The following SLC22A4 variants were observed in gnomAD, a reference collection of about 807,000 sequenced individuals.
SLC22A4 encodes ET transporter.
A neutral mutation model predicts 56.6 loss-of-function variants in SLC22A4; 39 were observed. That is an observed-to-expected ratio of 0.69 (90% confidence interval 0.53 to 0.90). SLC22A4 has a LOEUF of 0.90. Among genes scored for constraint, SLC22A4 ranks in the 40% least tolerant of loss-of-function variants. The pLI is 0.00. For missense variants in SLC22A4, 594 were observed against 696.5 expected (o/e 0.85, Z 1.66); for synonymous variants, 241 against 281.4 (o/e 0.86, Z 1.44).
chr5:132,299,987 G>A (rs1240123576), intron 1 of SLC22A4, among the ~76,000 whole-genome samples: 1 of 152,104 alleles, frequency 6.6e-6, no homozygotes, highest in African/African-American at 2.4e-5. Context: ...TCTATCGTAG[G>A]ATCCCATCCA....
intron 1 of SLC22A4, among the ~76,000 whole-genome samples, chr5:132,308,691 G>A (rs1489181564): frequency 6.6e-6 from 1 of 152,130 alleles, no homozygotes; most frequent in Non-Finnish European, 1.5e-5. Context: ...AATTAGAGCT[G>A]AAGGCCATGC....
intron 1 of SLC22A4, among the ~76,000 whole-genome samples, chr5:132,310,316 T>C (rs760147617): frequency 3.3e-5 from 5 of 152,228 alleles, no homozygotes; most frequent in Admixed American, 6.5e-5. Flanking sequence ...TGGGCCTCAA[T>C]TGCTCATCTC....
At position 132,340,713 on chromosome 5, in the gene SLC22A4, TTTAACAAAATG is replaced by T; in HGVS notation, c.1580+14_1580+24del. 1 of 1,612,912 alleles carries T rather than the reference TTTAACAAAATG, an allele frequency of 6.2e-7. No homozygotes were observed. The highest frequency in any genetic ancestry group is 8.5e-7 in the Non-Finnish European group (1 of 1,178,906). ...AGAAAGTGAAATGGTAAGTAGGACT[TTTAACAAAATG>T]ATACCAAAATGCCTTAGGGAGAATA... On this transcript the variant is annotated intron_variant, in intron 9 of 9. Coordinates refer to ENST00000200652, the MANE Select transcript of SLC22A4 (RefSeq NM_003059.3).
chr5:132,297,777 T>G (rs1394354976), intron 1 of SLC22A4, among the ~76,000 whole-genome samples: 1 of 151,910 alleles, frequency 6.6e-6, no homozygotes, highest in Non-Finnish European at 1.5e-5. Flanking sequence ...AGACCCCATC[T>G]CTACAAAAAA....
intron 3 of SLC22A4, among the ~76,000 whole-genome samples, chr5:132,316,927 C>T (rs947459415): frequency 3.9e-5 from 6 of 152,328 alleles, no homozygotes; most frequent in Admixed American, 3.3e-4. Context: ...TTATTTTCCA[C>T]AGTTGTGGAG....
intron 1 of SLC22A4, among the ~76,000 whole-genome samples, chr5:132,306,009 A>G (rs1254517829): frequency 1.3e-5 from 2 of 152,164 alleles, no homozygotes; most frequent in African/African-American, 2.4e-5. Context: ...TATTAGAGAA[A>G]TGCAATCAAA....
chr5:132,338,168 A>C (rs1751083113), intron 8 of SLC22A4, among the ~76,000 whole-genome samples: 1 of 152,198 alleles, frequency 6.6e-6, no homozygotes, highest in African/African-American at 2.4e-5. Context: ...AGTACAAAAG[A>C]GAGAAATTTT....
At chr5:132,303,862 G>T (rs2126702677) in intron 1 of SLC22A4, among the ~76,000 whole-genome samples, 1 of 152,276 alleles carries the variant, frequency 6.6e-6, no homozygotes, top group South Asian at 2.1e-4. Context: ...TCTACAACAG[G>T]AGCTCAGATA....
At chr5:132,315,938 G>T (rs372574997) in intron 3 of SLC22A4, among the ~76,000 whole-genome samples, 2 of 152,220 alleles carry the variant, frequency 1.3e-5, no homozygotes, top group Non-Finnish European at 2.9e-5. Flanking sequence ...GGACGCCCCA[G>T]TCAGCACCTG....
chr5:132,309,418 C>T (rs3792882), intron 1 of SLC22A4, among the ~76,000 whole-genome samples: 11,105 of 152,272 alleles, frequency 0.073, 541 homozygotes, highest in East Asian at 0.27. Flanking sequence ...ACGGCCACTG[C>T]GTGTGCATGG....
intron 1 of SLC22A4, among the ~76,000 whole-genome samples, chr5:132,301,425 G>A (rs1749904673): frequency 6.6e-6 from 1 of 152,214 alleles, no homozygotes; most frequent in Admixed American, 6.5e-5. Flanking sequence ...CAGCTGGGCT[G>A]CCTCCTCTAG....
At chr5:132,334,654 G>T in intron 6 of SLC22A4, 64 bp from the exon 7 acceptor site, 1 of 1,122,146 alleles carries the variant, frequency 8.9e-7, no homozygotes, top group South Asian at 1.2e-5. Context: ...AGAATTTCTT[G>T]ACCATCATAA....
intron 1 of SLC22A4, among the ~76,000 whole-genome samples, chr5:132,307,943 C>T (rs913545774): frequency 6.6e-6 from 1 of 152,162 alleles, no homozygotes; most frequent in Non-Finnish European, 1.5e-5. Flanking sequence ...AAGTGCAATG[C>T]GTGATACTCC....
Position 132,312,242 on chromosome 5 carries a change from G to A in SLC22A4, c.475G>A (p.Val159Met), listed in dbSNP as rs11568509. 9.5e-5 allele frequency: 154 copies of A among 1,612,888 alleles called. No individual in the cohort carries two copies. In the African/African-American group the frequency reaches 1.6e-3, roughly 17 times the overall value. ...FFVGVLLGSF[V>M]SGQLSDRFGR... ...CGTAGGCGTGCTCCTCGGCTCCTTC[G>A]TGTCCGGGCAGCTGTCAGACAGGTA... Residue 159 changes from valine to methionine, a missense_variant, in exon 2 of 10, where the codon GTG becomes ATG. Physicochemically the swap from Val to Met is conservative, Grantham distance 21 (BLOSUM62 1). Transcript: ENST00000200652.
intron 5 of SLC22A4, among the ~76,000 whole-genome samples, chr5:132,329,626 A>C (rs1750799066): frequency 6.6e-6 from 1 of 152,208 alleles, no homozygotes; most frequent in Non-Finnish European, 1.5e-5. Flanking sequence ...TTCATGTTAC[A>C]GGCAGTAGCA....
chr5:132,334,897 G>T lies in SLC22A4; in HGVS notation c.1226G>T (p.Gly409Val). The change falls in exon 7 of 10, where the codon GGA becomes GTA. Residue 409 changes from glycine (G) to valine (V), a missense_variant. Coordinates refer to ENST00000200652, the MANE Select transcript of SLC22A4 (RefSeq NM_003059.3). ...YIIAAVLFWG[G>V]GVLLFIQLVP... Reference sequence around the variant, plus strand: ...ATAGCTGCAGTACTGTTCTGGGGAGGAGGTGTGCTTCTCTTCATTCAACTG... The same window carrying T: ...ATAGCTGCAGTACTGTTCTGGGGAGTAGGTGTGCTTCTCTTCATTCAACTG... 6.2e-7 allele frequency: 1 copy of T among 1,613,768 alleles called. No homozygotes were observed. Among genetic ancestry groups the T allele is most frequent in the Non-Finnish European group, 8.5e-7 (1 of 1,179,828 alleles).
At chr5:132,311,127 G>T (rs938807249) in intron 1 of SLC22A4, among the ~76,000 whole-genome samples, 1 of 152,220 alleles carries the variant, frequency 6.6e-6, no homozygotes, top group African/African-American at 2.4e-5. Context: ...CAAGGGAGTT[G>T]TGAGGATTCA....
rs537000792 is a variant in SLC22A4 at position 132,298,139 on chromosome 5, T to G, written c.393+3130T>G. Reference sequence around the variant, plus strand: ...GATCCAGCAATACTAATTCTGGATATATGTCTAAAATAATTGAAACAGGGT... The same window carrying G: ...GATCCAGCAATACTAATTCTGGATAGATGTCTAAAATAATTGAAACAGGGT... On this transcript the variant is annotated intron_variant, in intron 1 of 9. Coordinates refer to ENST00000200652, the MANE Select transcript of SLC22A4 (RefSeq NM_003059.3). Among the ~76,000 whole-genome samples, 21 of 152,340 alleles carry G rather than the reference T, an allele frequency of 1.4e-4. No individual in the cohort carries two copies. In the South Asian group the frequency reaches 4.4e-3, roughly 32 times the overall value.
chr5:132,339,573 T>A (rs1345874899), intron 8 of SLC22A4, among the ~76,000 whole-genome samples: 2 of 152,084 alleles, frequency 1.3e-5, no homozygotes, highest in African/African-American at 4.8e-5. Context: ...AACATTTTCC[T>A]AACAAACATA....
Sources: allele counts gnomAD v4.1 joint callset (sites outside exome capture counted in the v4.1 genomes callset), GRCh38; gene constraint gnomAD v4.1.1; transcripts MANE v1.5; gene names NCBI Gene and HGNC (gene_info 2026-07-23, HGNC 2026-07-21).